The following DAB1 variants were observed in gnomAD, a reference collection of about 807,000 sequenced individuals.
DAB1 encodes DAB adaptor protein 1, also known as disabled homolog 1.
A neutral mutation model predicts 64.6 loss-of-function variants in DAB1; 15 were observed. The ratio of observed to expected loss-of-function variants is 0.23; its 90% CI spans 0.16 to 0.36. DAB1 has a LOEUF of 0.36. DAB1 is among the 10% of genes least tolerant of loss of function. The probability of loss-of-function intolerance (pLI) is 1.00; values close to 1 mark genes in which losing one functional copy is unlikely to be tolerated. For synonymous variants in DAB1, 235 were observed against 251.9 expected (o/e 0.93, Z 0.64); for missense variants, 596 against 706.7 (o/e 0.84, Z 1.78).
chr1:57,139,587 G>A (rs1033608245), intron 3 of DAB1, among the ~76,000 whole-genome samples: 1 of 152,176 alleles, frequency 6.6e-6, no homozygotes, highest in African/African-American at 2.4e-5. Flanking sequence ...TCCTTTAGGT[G>A]AGAAGAGCAC....
At chr1:57,035,525 A>C (rs937258121) in intron 9 of DAB1, among the ~76,000 whole-genome samples, 3 of 152,128 alleles carry the variant, frequency 2.0e-5, no homozygotes, top group African/African-American at 7.2e-5. Flanking sequence ...ATTTCTTTGA[A>C]TTCAGTTGAA....
intron 7 of DAB1, among the ~76,000 whole-genome samples, chr1:57,452,077 C>T (rs1238367960): frequency 6.6e-6 from 1 of 151,144 alleles, no homozygotes; most frequent in African/African-American, 2.4e-5. Context: ...ACCAGCTGTC[C>T]ATAGGCCCCA....
intron 4 of DAB1, among the ~76,000 whole-genome samples, chr1:57,096,388 C>T (rs1159132123): frequency 1.3e-5 from 2 of 152,088 alleles, no homozygotes; most frequent in African/African-American, 4.8e-5. Flanking sequence ...ATCTCCACCG[C>T]AAGAGATATA....
chr1:57,686,198 A>T (rs1462353803), intron 6 of DAB1, among the ~76,000 whole-genome samples: 1 of 152,222 alleles, frequency 6.6e-6, no homozygotes, highest in Non-Finnish European at 1.5e-5. Context: ...AAGTATAATC[A>T]GAAATGACAA....
intron 4 of DAB1, among the ~76,000 whole-genome samples, chr1:58,332,598 C>T (rs2100496118): frequency 6.6e-6 from 1 of 152,318 alleles, no homozygotes; most frequent in South Asian, 2.1e-4. Flanking sequence ...TGCCATCATT[C>T]TTCAAAGAAT....
intron 3 of DAB1, among the ~76,000 whole-genome samples, chr1:58,438,169 C>T (rs1255823460): frequency 6.6e-6 from 1 of 152,184 alleles, no homozygotes; most frequent in Non-Finnish European, 1.5e-5. Context: ...CAAGACATTC[C>T]ACTCTTTTCG....
chr1:57,075,268 A>C (rs1570644045), intron 4 of DAB1, among the ~76,000 whole-genome samples: 1 of 152,202 alleles, frequency 6.6e-6, no homozygotes, highest in Non-Finnish European at 1.5e-5. Context: ...GAGATGTTTT[A>C]ATTTATCTGG....
At chr1:57,010,584 T>C in intron 14 of DAB1, 96 bp downstream of exon 14, 1 of 589,212 alleles carries the variant, frequency 1.7e-6, no homozygotes, top group Non-Finnish European at 2.9e-6. Flanking sequence ...GGAGACATGG[T>C]GCAAACATTG....
chr1:57,244,448 T>G (rs1047121614), intron 2 of DAB1, among the ~76,000 whole-genome samples: 13 of 152,198 alleles, frequency 8.5e-5, no homozygotes, highest in Non-Finnish European at 1.3e-4. Context: ...ATTCCATGAC[T>G]TAGAGTATCA....
At chr1:57,351,914 G>T (rs546058170) in intron 1 of DAB1, among the ~76,000 whole-genome samples, 102 of 152,256 alleles carry the variant, frequency 6.7e-4, no homozygotes, top group Non-Finnish European at 1.9e-4. Context: ...GGTGTGTTTT[G>T]CACCTGTCAT....
At chr1:57,873,355 T>C (rs1643987004) in intron 1 of DAB1, among the ~76,000 whole-genome samples, 1 of 152,154 alleles carries the variant, frequency 6.6e-6, no homozygotes, top group African/African-American at 2.4e-5. Flanking sequence ...TTCATCATCA[T>C]AGCCACAGCA....
chr1:58,186,632 T>C (rs1234951018), intron 4 of DAB1, among the ~76,000 whole-genome samples: 1 of 152,234 alleles, frequency 6.6e-6, no homozygotes, highest in East Asian at 1.9e-4. Flanking sequence ...TTTATTTTTC[T>C]GCAATAATGC....
At chr1:57,569,640 T>G (rs1431174648) in intron 7 of DAB1, among the ~76,000 whole-genome samples, 4 of 151,880 alleles carry the variant, frequency 2.6e-5, no homozygotes, top group African/African-American at 9.7e-5. Context: ...GAGATAAACC[T>G]AATGTAAATG....
intron 3 of DAB1, among the ~76,000 whole-genome samples, chr1:58,442,153 A>ATGTGCATGCATGTGCACGTATG (rs1553182637): frequency 1.3e-5 from 2 of 152,178 alleles, no homozygotes; most frequent in African/African-American, 4.8e-5. Flanking sequence ...GTGTGCGTGA[A>ATGTGCATGCATGTGCACGTATG]TGTGCATGCA....
At position 57,745,426 on chromosome 1, in the gene DAB1, A is replaced by G. The variant is rs758847058; in HGVS notation, n.552-95761T>C. Among the ~76,000 whole-genome samples the G allele has an allele frequency of 4.9e-4, 75 of 152,106 alleles. 1 individual carries two copies. Among genetic ancestry groups the G allele is most frequent in the Non-Finnish European group, 7.2e-4 (49 of 68,014 alleles). ...TTTTTAGCAAACAATTATACTACTC[A>G]TTTCTGTGAGGATTGTTAAGTCTAT... On this transcript the variant is annotated intron_variant and non_coding_transcript_variant, in intron 6 of 20. Transcript: ENST00000485760.
At chr1:57,680,333 T>G (rs1242907714) in intron 6 of DAB1, among the ~76,000 whole-genome samples, 1 of 152,238 alleles carries the variant, frequency 6.6e-6, no homozygotes, top group Non-Finnish European at 1.5e-5. Context: ...GTTTTGTGCC[T>G]TAAAACAACA....
At chr1:58,081,995 T>C (rs1650025493) in intron 5 of DAB1, among the ~76,000 whole-genome samples, 1 of 151,660 alleles carries the variant, frequency 6.6e-6, no homozygotes, top group African/African-American at 2.4e-5. Flanking sequence ...TATAGAATTC[T>C]AGGATTTTAG....
intron 3 of DAB1, among the ~76,000 whole-genome samples, chr1:58,454,913 T>C (rs1402986492): frequency 6.6e-6 from 1 of 152,212 alleles, no homozygotes; most frequent in East Asian, 1.9e-4. Context: ...CAAGAGCAGA[T>C]CTAGCCTGAC....
intron 4 of DAB1, among the ~76,000 whole-genome samples, chr1:57,092,781 A>G (rs1284867771): frequency 1.3e-5 from 2 of 152,002 alleles, no homozygotes; most frequent in African/African-American, 4.8e-5. Flanking sequence ...TCTGACAGTT[A>G]TAAGGGTGAG....
Sources: gnomAD v4.1 joint callset for allele counts (sites outside exome capture counted in the v4.1 genomes callset) on GRCh38, gnomAD v4.1.1 for gene constraint, MANE v1.5 for transcripts, NCBI Gene and HGNC (gene_info 2026-07-23, HGNC 2026-07-21) for gene names.